TMEM201: variants seen among roughly 807,000 people sequenced by gnomAD.
TMEM201 encodes transmembrane protein 201.
Under a neutral mutation model 63.4 loss-of-function variants are expected in TMEM201, and 26 were observed. The ratio of observed to expected loss-of-function variants is 0.41; its 90% CI spans 0.30 to 0.57. The LOEUF is 0.57. Ranked by LOEUF, TMEM201 falls within the 20% of genes least tolerant of loss-of-function variation. The probability of loss-of-function intolerance (pLI) is 0.29; values close to 1 mark genes in which losing one functional copy is unlikely to be tolerated. For missense variants in TMEM201, 794 were observed against 917.7 expected (o/e 0.87, Z 1.74); for synonymous variants, 417 against 421.6 (o/e 0.99, Z 0.14).
At chr1:9,591,577 C>G (rs906394037) in intron 1 of TMEM201, among the ~76,000 whole-genome samples, 27 of 152,380 alleles carry the variant, frequency 1.8e-4, no homozygotes, top group African/African-American at 6.0e-4. Context: ...CAAACGATGC[C>G]CAGGATCCGT....
intron 1 of TMEM201, among the ~76,000 whole-genome samples, chr1:9,592,914 C>A (rs1248601636): frequency 6.6e-6 from 1 of 152,216 alleles, no homozygotes; most frequent in Non-Finnish European, 1.5e-5. Flanking sequence ...AGAGCTGGAA[C>A]CGTTGTGGGC....
rs995388538 is a variant in TMEM201 at position 9,613,357 on chromosome 1, G to C, written c.*274G>C. 1.5e-5 allele frequency: 8 copies of C among 531,924 alleles called. No homozygotes were observed. Among genetic ancestry groups the C allele is most frequent in the Admixed American group, 3.2e-5 (1 of 31,244 alleles). 33.0% of individuals were successfully genotyped at this position (531,924 alleles called of 1,614,324 possible). A position where few individuals can be genotyped will look rare whatever the true frequency, so the allele number is the denominator to read the frequency against. ...GACACTCTGATCCCGAAGCCAGGGA[G>C]CCCCAAGGGGCTGCATGACCCTGGG... On this transcript the variant is annotated 3_prime_UTR_variant, in exon 11 of 11. Transcript: ENST00000340381.
At chr1:9,602,515 G>T in intron 6 of TMEM201, 1 of 1,404,052 alleles carries the variant, frequency 7.1e-7, no homozygotes. Flanking sequence ...ACTCACCACT[G>T]CTGCCACCTC....
chr1:9,589,357 C>G (rs935469425), intron 1 of TMEM201, among the ~76,000 whole-genome samples: 3 of 152,160 alleles, frequency 2.0e-5, no homozygotes, highest in Admixed American at 6.5e-5. Flanking sequence ...CCCTCAGCCC[C>G]GTGCTGGGCC....
chr1:9,596,529 C>A (rs1644022974), intron 2 of TMEM201, among the ~76,000 whole-genome samples: 1 of 152,228 alleles, frequency 6.6e-6, no homozygotes, highest in East Asian at 1.9e-4. Flanking sequence ...GTGTGCTGTC[C>A]CCTGGACTAG....
Position 9,598,636 on chromosome 1 carries a change from G to T in TMEM201, c.606+11G>T, listed in dbSNP as rs1404665563. ...CAGACCCACGCACAGGTGAGAGGCG[G>T]CATCCACAGGGCGGGGGTGGGGGTG... On this transcript the variant is annotated intron_variant, in intron 4 of 10. Transcript: ENST00000340381. 1 of 1,609,360 alleles carries T rather than the reference G, an allele frequency of 6.2e-7. No individual in the cohort carries two copies. Among genetic ancestry groups the T allele is most frequent in the African/African-American group, 1.3e-5 (1 of 74,972 alleles).
chr1:9,611,952 C>T, intron 10 of TMEM201, 62 bp downstream of exon 10: 6 of 1,464,726 alleles, frequency 4.1e-6, no homozygotes, highest in Non-Finnish European at 5.4e-6. Context: ...ACCATCTCCC[C>T]CAGGGGGGTC....
Position 9,593,209 on chromosome 1 carries a change from C to A in TMEM201, c.114-2681C>A, listed in dbSNP as rs144502443. 3.2e-3 allele frequency among the ~76,000 whole-genome samples: 493 copies of A among 152,364 alleles called. 3 individuals carry two copies. Among genetic ancestry groups the A allele is most frequent in the Non-Finnish European group, 5.3e-3 (361 of 68,040 alleles). On this transcript the variant is annotated intron_variant, in intron 1 of 10. Transcript: ENST00000340381. ...GGCAAGCATAGGCTAGGGGCCAGGACTTCCCCCACCTGCGTGGGGACCTCG... is the reference window on the plus strand; with the variant it reads ...GGCAAGCATAGGCTAGGGGCCAGGAATTCCCCCACCTGCGTGGGGACCTCG...
chr1:9,607,606 G>C lies in TMEM201; in HGVS notation c.1210G>C (p.Ala404Pro), dbSNP rs1361129184. ...CCTTTTCCCCACCAGCCCCAGCTTG[G>C]CCATCCCTCACCCGAGTGTCGGAGG... The part of the protein sequence containing the change: ...AGLFPTSPSL[A>P]IPHPSVGGSP... Residue 404 changes from alanine to proline, a missense_variant, in exon 7 of 11, where the codon GCC becomes CCC. Coordinates refer to ENST00000340381, the MANE Select transcript of TMEM201 (RefSeq NM_001130924.3). This position sits in a 1 kb window ranked among gnomAD's most constrained non-coding sequence, Gnocchi z 5.4. The C allele has an allele frequency of 1.3e-6, 2 of 1,551,522 alleles. No homozygotes were observed. The highest frequency in any genetic ancestry group is 2.7e-5 in the African/African-American group (2 of 73,018).
chr1:9,602,764 G>A, intron 6 of TMEM201: 7 of 1,001,620 alleles, frequency 7.0e-6, no homozygotes, highest in Non-Finnish European at 8.3e-6. Flanking sequence ...GTGCAGCAGA[G>A]TGAGGCTGGG....
Position 9,591,983 on chromosome 1 carries a change from C to T in TMEM201, c.113+2940C>T, listed in dbSNP as rs145642812. Among the ~76,000 whole-genome samples, 795 of 152,334 alleles carry T rather than the reference C, an allele frequency of 5.2e-3. 22 individuals are homozygous for T. The highest frequency in any genetic ancestry group is 0.033 in the Admixed American group (508 of 15,306). ...GAGGTCGTCGTTCTTGTCTTGCTCA[C>T]GTTTGCATCTCTGCCAGCCTAGGGT... On this transcript the variant is annotated intron_variant, in intron 1 of 10. Coordinates refer to ENST00000340381, the MANE Select transcript of TMEM201 (RefSeq NM_001130924.3).
chr1:9,591,778 C>T (rs1477666442), intron 1 of TMEM201, among the ~76,000 whole-genome samples: 1 of 152,206 alleles, frequency 6.6e-6, no homozygotes, highest in Non-Finnish European at 1.5e-5. Context: ...CTCCCCCCTC[C>T]CACTCACTCT....
intron 1 of TMEM201, 122 bp from the exon 2 acceptor site, chr1:9,595,768 C>A: frequency 7.0e-7 from 1 of 1,436,330 alleles, no homozygotes; most frequent in Non-Finnish European, 9.5e-7. Context: ...GCTTTGCATC[C>A]CCAGATCCCA....
In TMEM201 at chr1:9,604,766, A is replaced by G; in HGVS notation, c.1160+2494A>G. The G allele has an allele frequency of 1.8e-5, 18 of 986,006 alleles. No individual in the cohort carries two copies. Among genetic ancestry groups the G allele is most frequent in the Non-Finnish European group, 2.2e-5 (18 of 830,026 alleles). 61.1% of individuals were successfully genotyped at this position (986,006 alleles called of 1,614,324 possible). ...CCTCCACGCCGCACCTGCCACATTC[A>G]GCCCTGCCCAGGAAGGAACACATGA... On this transcript the variant is annotated intron_variant, in intron 6 of 10. Transcript: ENST00000340381. This position sits in a 1 kb window ranked among gnomAD's most constrained non-coding sequence, Gnocchi z 4.1.
At position 9,613,503 on chromosome 1, in the gene TMEM201, A is replaced by C; in HGVS notation, c.*420A>C. ...AGGCGTAGTCACATCTTTGTACTGT[A>C]CTCCCCTGTCTCACCTGGGGCAACC... On this transcript the variant is annotated 3_prime_UTR_variant, in exon 11 of 11. Transcript: ENST00000340381. The C allele has an allele frequency of 5.2e-6, 1 of 194,068 alleles. No homozygotes were observed. The highest frequency in any genetic ancestry group is 1.1e-5 in the Non-Finnish European group (1 of 94,300). 12.0% of individuals were successfully genotyped at this position (194,068 alleles called of 1,614,324 possible).
chr1:9,606,771 C>G (rs560993658), intron 6 of TMEM201: 5 of 152,424 alleles, frequency 3.3e-5, no homozygotes, highest in African/African-American at 9.6e-5. Context: ...GCCATCAGGT[C>G]CTGTTGTGTG....
Position 9,613,206 on chromosome 1 carries a change from T to C in TMEM201, c.*123T>C. 1 of 896,806 alleles carries C rather than the reference T, an allele frequency of 1.1e-6. No homozygotes were observed. The highest frequency in any genetic ancestry group is 1.7e-6 in the Non-Finnish European group (1 of 577,826). 55.6% of individuals were successfully genotyped at this position (896,806 alleles called of 1,614,324 possible). On this transcript the variant is annotated 3_prime_UTR_variant, in exon 11 of 11. Coordinates refer to ENST00000340381, the MANE Select transcript of TMEM201 (RefSeq NM_001130924.3). ...CTCATCTCCAGGGCCTTGACCTCAC[T>C]GGACTGTGACTGTCCTCAGGACACC...
rs1128650 is a variant in TMEM201 at position 9,604,763 on chromosome 1, T to C, written c.1160+2491T>C. ...CAGCCTCCACGCCGCACCTGCCACA[T>C]TCAGCCCTGCCCAGGAAGGAACACA... On this transcript the variant is annotated intron_variant, in intron 6 of 10. Coordinates refer to ENST00000340381, the MANE Select transcript of TMEM201 (RefSeq NM_001130924.3). The surrounding 1 kb of genome is among the most constrained non-coding windows in gnomAD (Gnocchi z 4.1). 168,705 of 985,674 alleles carry C rather than the reference T, an allele frequency of 0.17. 17,541 individuals are homozygous for C. The highest frequency in any genetic ancestry group is 0.48 in the African/African-American group (27,487 of 57,126). The allele number at this position is 985,674 out of a possible 1,614,324, so 61.1% of individuals were successfully genotyped here.
intron 9 of TMEM201, chr1:9,611,115 C>T: frequency 7.3e-7 from 1 of 1,365,630 alleles, no homozygotes; most frequent in Non-Finnish European, 9.8e-7. Context: ...TGGTGCTGTA[C>T]TGCAAAGCAT....
Sources: gnomAD v4.1 joint callset for allele counts (sites outside exome capture counted in the v4.1 genomes callset) on GRCh38, gnomAD v4.1.1 for gene constraint, Gnocchi (gnomAD v3.1) non-coding constraint, MANE v1.5 for transcripts, NCBI Gene and HGNC (gene_info 2026-07-23, HGNC 2026-07-21) for gene names.